MACROD2: variants seen among roughly 807,000 people sequenced by gnomAD.
MACROD2 encodes ADP-ribose glycohydrolase MACROD2.
Under a neutral mutation model 70.4 loss-of-function variants are expected in MACROD2, and 36 were observed. The observed-to-expected ratio is 0.51, with a 90% CI of 0.39 to 0.68. The LOEUF is 0.68. MACROD2 is among the 30% of genes least tolerant of loss of function. MACROD2 has a pLI of 0.00. For synonymous variants in MACROD2, 172 were observed against 178.8 expected, an observed-to-expected ratio of 0.96 and a Z score of 0.30; for missense variants, 496 against 538.4, an observed-to-expected ratio of 0.92 and a Z score of 0.78.
intron 5 of MACROD2, among the ~76,000 whole-genome samples, chr20:15,180,239 T>C (rs992470062): frequency 5.9e-5 from 9 of 152,212 alleles, no homozygotes; most frequent in Non-Finnish European, 1.0e-4. Context: ...ATTTAATCCA[T>C]AACAGTCTGT....
At position 16,002,653 on chromosome 20, in the gene MACROD2, T is replaced by A. The variant is rs556696744; in HGVS notation, c.1153+15495T>A. Among the ~76,000 whole-genome samples the A allele has an allele frequency of 1.1e-4, 17 of 152,252 alleles. No homozygotes were observed. The East Asian group carries it at 2.5e-3, about 22-fold the overall frequency. On this transcript the variant is annotated intron_variant, in intron 15 of 17. Coordinates refer to ENST00000684519, the MANE Select transcript of MACROD2 (RefSeq NM_001351661.2). Reference sequence around the variant, plus strand: ...CGTAGTAGGTAATCAAACAGATTTTTCCCCAGAGCCTCAAGAAGGAACATA... The same window carrying A: ...CGTAGTAGGTAATCAAACAGATTTTACCCCAGAGCCTCAAGAAGGAACATA...
intron 3 of MACROD2, among the ~76,000 whole-genome samples, chr20:14,444,450 T>C (rs1328959915): frequency 1.3e-5 from 2 of 152,034 alleles, no homozygotes; most frequent in Middle Eastern, 3.2e-3. Context: ...CTGTTCCTTA[T>C]CAGTTTTTTT....
chr20:14,683,054 T>C (rs2070953817), intron 4 of MACROD2, among the ~76,000 whole-genome samples: 2 of 152,058 alleles, frequency 1.3e-5, no homozygotes, highest in South Asian at 4.1e-4. Flanking sequence ...TAATTTTGTA[T>C]TTTTAGTAGA....
At chr20:15,448,721 A>G (rs1378863154) in intron 7 of MACROD2, among the ~76,000 whole-genome samples, 3 of 152,176 alleles carry the variant, frequency 2.0e-5, no homozygotes, top group Non-Finnish European at 1.5e-5. Context: ...ATAAGTTTCA[A>G]ATAATCAAGT....
At chr20:14,108,207 G>C (rs1292789030) in intron 3 of MACROD2, among the ~76,000 whole-genome samples, 3 of 151,768 alleles carry the variant, frequency 2.0e-5, no homozygotes. Context: ...TGGGTTATAA[G>C]ATAATGTTTG....
At chr20:16,018,057 C>T (rs1180508695) in intron 15 of MACROD2, among the ~76,000 whole-genome samples, 1 of 152,124 alleles carries the variant, frequency 6.6e-6, no homozygotes, top group Admixed American at 6.5e-5. Flanking sequence ...TACAGAAAGG[C>T]CTTTAGCCCT....
chr20:15,007,139 C>T (rs1012763978), intron 5 of MACROD2, among the ~76,000 whole-genome samples: 17 of 151,916 alleles, frequency 1.1e-4, no homozygotes, highest in South Asian at 2.1e-4. Context: ...CTGAGGCAGG[C>T]GGATCACAAG....
Position 15,002,292 on chromosome 20 carries a change from T to C in MACROD2, c.419-227648T>C, listed in dbSNP as rs117743934. Among the ~76,000 whole-genome samples, 20 of 152,346 alleles carry C rather than the reference T, an allele frequency of 1.3e-4. No homozygotes were observed. The East Asian group carries it at 3.7e-3, about 28-fold the overall frequency. ...CAAACATCTAGTATTTTTTTGTTTTTTTTGGCTATGGCCATTCTTTTAGGA... is the reference window on the plus strand; with the variant it reads ...CAAACATCTAGTATTTTTTTGTTTTCTTTGGCTATGGCCATTCTTTTAGGA... On this transcript the variant is annotated intron_variant, in intron 5 of 17. Transcript: ENST00000684519.
intron 4 of MACROD2, among the ~76,000 whole-genome samples, chr20:14,634,876 G>C (rs1984702782): frequency 6.6e-6 from 1 of 152,176 alleles, no homozygotes; most frequent in Non-Finnish European, 1.5e-5. Context: ...GCAAGGGAGA[G>C]AATAAAAAGT....
intron 8 of MACROD2, among the ~76,000 whole-genome samples, chr20:15,571,620 A>G (rs1451968795): frequency 6.6e-6 from 1 of 152,110 alleles, no homozygotes; most frequent in Non-Finnish European, 1.5e-5. Context: ...GTGCCTCTGT[A>G]TCTGTAGCAG....
chr20:15,768,491 G>T (rs1237955283), intron 8 of MACROD2, among the ~76,000 whole-genome samples: 1 of 152,188 alleles, frequency 6.6e-6, no homozygotes, highest in Non-Finnish European at 1.5e-5. Flanking sequence ...TGCAGGACTG[G>T]AAGTTGCTCT....
chr20:15,482,865 T>C (rs990078053), intron 7 of MACROD2, among the ~76,000 whole-genome samples: 1 of 152,220 alleles, frequency 6.6e-6, no homozygotes, highest in African/African-American at 2.4e-5. Context: ...CTGTGTATCT[T>C]CTTTGGTGGG....
intron 5 of MACROD2, among the ~76,000 whole-genome samples, chr20:14,699,570 T>A (rs921739747): frequency 2.6e-5 from 4 of 152,168 alleles, no homozygotes; most frequent in African/African-American, 9.7e-5. Context: ...AGCATGATAG[T>A]CAGGGAGATA....
chr20:14,669,233 G>C (rs1333553367), intron 4 of MACROD2, among the ~76,000 whole-genome samples: 2 of 152,154 alleles, frequency 1.3e-5, no homozygotes, highest in Non-Finnish European at 2.9e-5. Context: ...TACAGATACA[G>C]TGTCATTGGT....
chr20:15,650,272 T>A (rs2049623767), intron 8 of MACROD2, among the ~76,000 whole-genome samples: 1 of 152,200 alleles, frequency 6.6e-6, no homozygotes, highest in African/African-American at 2.4e-5. Flanking sequence ...AACGTCAACC[T>A]CCTTTCCTGT....
chr20:15,709,530 G>C (rs1025671389), intron 8 of MACROD2, among the ~76,000 whole-genome samples: 8 of 152,104 alleles, frequency 5.3e-5, no homozygotes, highest in African/African-American at 1.9e-4. Flanking sequence ...AGCTGGGCAT[G>C]ATGGCACAAG....
chr20:15,098,055 A>G (rs1005434282), intron 5 of MACROD2, among the ~76,000 whole-genome samples: 1 of 152,156 alleles, frequency 6.6e-6, no homozygotes, highest in Non-Finnish European at 1.5e-5. Flanking sequence ...AAATAAACTT[A>G]AACACTGTTC....
intron 15 of MACROD2, among the ~76,000 whole-genome samples, chr20:16,010,306 C>T (rs2089596924): frequency 1.3e-5 from 2 of 152,036 alleles, no homozygotes; most frequent in South Asian, 2.1e-4. Flanking sequence ...GCAGGGCTCC[C>T]ACAGGACCAG....
At chr20:14,014,482 T>C (rs1776272016) in intron 2 of MACROD2, among the ~76,000 whole-genome samples, 1 of 152,174 alleles carries the variant, frequency 6.6e-6, no homozygotes, top group Admixed American at 6.5e-5. Context: ...TAAGAAAATA[T>C]CGTGCCAGGG....
Sources: allele counts gnomAD v4.1 joint callset (sites outside exome capture counted in the v4.1 genomes callset), GRCh38; gene constraint gnomAD v4.1.1; transcripts MANE v1.5; gene names NCBI Gene and HGNC (gene_info 2026-07-23, HGNC 2026-07-21).